The following FBH1 variants were observed in gnomAD, a reference collection of about 807,000 sequenced individuals.
The protein encoded by FBH1 is DNA 3'-5' helicase 1.
FBH1 carries 43 observed loss-of-function variants against 115.5 expected under a neutral mutation model. The observed-to-expected ratio is 0.37, with a 90% CI of 0.29 to 0.48. The LOEUF (loss-of-function observed/expected upper bound fraction) is 0.48, where lower values mean the gene tolerates loss of function less well. Ranked by LOEUF, FBH1 falls within the 20% of genes least tolerant of loss-of-function variation. FBH1 has a pLI of 0.99. For synonymous variants in FBH1, 524 were observed against 507.8 expected (o/e 1.03, Z -0.43); for missense variants, 1,001 against 1,337.3 (o/e 0.75, Z 3.92).
chr10:5,901,651 G>T (rs1162613114), intron 1 of FBH1, among the ~76,000 whole-genome samples: 1 of 146,460 alleles, frequency 6.8e-6, no homozygotes, highest in Admixed American at 7.1e-5. Context: ...TACAACCTCC[G>T]CCTCCCGGGT....
In FBH1 at chr10:5,917,365, G is replaced by T; in HGVS notation, c.1789-55G>T. On this transcript the variant is annotated intron_variant, in intron 10 of 20. Coordinates refer to ENST00000362091, the MANE Select transcript of FBH1 (RefSeq NM_178150.3). This position sits in a 1 kb window ranked among gnomAD's most constrained non-coding sequence, Gnocchi z 5.6. ...TGGGAGTTGACAGTGTGACCGCAGG[G>T]TGCTGCCTTTGCCAGGGTCTCAAAC... The T allele has an allele frequency of 6.8e-7, 1 of 1,469,042 alleles. No individual in the cohort carries two copies. Among genetic ancestry groups the T allele is most frequent in the Non-Finnish European group, 9.5e-7 (1 of 1,053,648 alleles). 91.0% of individuals were successfully genotyped at this position (1,469,042 alleles called of 1,614,324 possible).
At chr10:5,898,349 A>G (rs141965678) in intron 1 of FBH1, among the ~76,000 whole-genome samples, 28 of 152,150 alleles carry the variant, frequency 1.8e-4, no homozygotes, top group African/African-American at 6.5e-4. Context: ...CCTCTCTTAT[A>G]AGGGCACTAA....
In FBH1 at chr10:5,913,595, T is replaced by C. The variant is rs1264654894; in HGVS notation, c.1212-152T>C. 1.3e-5 allele frequency: 7 copies of C among 542,726 alleles called. 1 individual carries two copies. The highest frequency in any genetic ancestry group is 1.1e-4 in the East Asian group (3 of 28,168). The allele number at this position is 542,726 out of a possible 1,614,324, so 33.6% of individuals were successfully genotyped here. A position where few individuals can be genotyped will look rare whatever the true frequency, so the allele number is the denominator to read the frequency against. ...GAGAATGCTTTGCCAGCCATAGATA[T>C]ATTTAAATCCTTTTCTTTCTTTTTT... On this transcript the variant is annotated intron_variant, in intron 6 of 20. Transcript: ENST00000362091. This position sits in a 1 kb window ranked among gnomAD's most constrained non-coding sequence, Gnocchi z 4.4.
chr10:5,893,513 C>T (rs75009644), intron 1 of FBH1, among the ~76,000 whole-genome samples: 4,910 of 152,298 alleles, frequency 0.032, 116 homozygotes, highest in Non-Finnish European at 0.051. Context: ...GCCCAGCTTT[C>T]CTGCCACTCT....
rs1443840849 is a variant in FBH1, at chr10:5,924,851, C to A, written c.2596+343C>A. Reference sequence around the variant, plus strand: ...AAAGTGCTAGAATTACAGGCGTGAGCCACTGCGCCCAGCCTCTTCTGCTGT... The same window carrying A: ...AAAGTGCTAGAATTACAGGCGTGAGACACTGCGCCCAGCCTCTTCTGCTGT... On this transcript the variant is annotated intron_variant, in intron 17 of 20. Transcript: ENST00000362091. The surrounding 1 kb of genome is among the most constrained non-coding windows in gnomAD (Gnocchi z 6.2). 6 of 418,316 alleles carry A rather than the reference C, an allele frequency of 1.4e-5. No homozygotes were observed. The East Asian group carries it at 4.0e-4, about 28-fold the overall frequency. 25.9% of individuals were successfully genotyped at this position (418,316 alleles called of 1,614,324 possible).
chr10:5,904,452 C>T (rs1026893814), intron 2 of FBH1, among the ~76,000 whole-genome samples: 3 of 152,148 alleles, frequency 2.0e-5, no homozygotes, highest in African/African-American at 7.2e-5. Flanking sequence ...ATATAGAAGT[C>T]TGTTTCTTCT....
Position 5,917,768 on chromosome 10 carries a change from A to T in FBH1, c.1963+92A>T. On this transcript the variant is annotated intron_variant, in intron 12 of 20. Transcript: ENST00000362091. This position sits in a 1 kb window ranked among gnomAD's most constrained non-coding sequence, Gnocchi z 5.6. Reference sequence around the variant, plus strand: ...GACACCTGTGTGAACTAAGTTGATTATTATTATTTGTGATAAAGAAGAGGA... The same window carrying T: ...GACACCTGTGTGAACTAAGTTGATTTTTATTATTTGTGATAAAGAAGAGGA... 1 of 986,948 alleles carries T rather than the reference A, an allele frequency of 1.0e-6. No homozygotes were observed. The highest frequency in any genetic ancestry group is 1.5e-6 in the Non-Finnish European group (1 of 645,912). 61.1% of individuals were successfully genotyped at this position (986,948 alleles called of 1,614,324 possible).
chr10:5,906,395 G>C lies in FBH1; in HGVS notation c.516G>C (p.Arg172=). The C allele has an allele frequency of 6.2e-7, 1 of 1,614,118 alleles. No individual in the cohort carries two copies. Among genetic ancestry groups the C allele is most frequent in the South Asian group, 1.1e-5 (1 of 91,088 alleles). The part of the protein sequence containing the change: ...ARQEAEDSTS[R]LSAESGETDQ... ...AAGAAGCAGAGGACAGTACGTCTCGGCTCTCTGCGGAGTCTGGTGAAACCG... is the reference window on the plus strand; with the variant it reads ...AAGAAGCAGAGGACAGTACGTCTCGCCTCTCTGCGGAGTCTGGTGAAACCG... Residue 172 remains arginine, a synonymous_variant, in exon 3 of 21, where the codon CGG becomes CGC. Coordinates refer to ENST00000362091, the MANE Select transcript of FBH1 (RefSeq NM_178150.3). This position sits in a 1 kb window ranked among gnomAD's most constrained non-coding sequence, Gnocchi z 7.3.
intron 3 of FBH1, among the ~76,000 whole-genome samples, chr10:5,907,703 G>A (rs754947325): frequency 3.9e-5 from 6 of 152,018 alleles, no homozygotes; most frequent in Non-Finnish European, 5.9e-5. Flanking sequence ...CAAAGTCCTG[G>A]CCTTAAGTGA....
At chr10:5,907,602 T>G (rs1589068442) in intron 3 of FBH1, among the ~76,000 whole-genome samples, 1 of 151,276 alleles carries the variant, frequency 6.6e-6, no homozygotes, top group Non-Finnish European at 1.5e-5. Context: ...GCCTCCCAAG[T>G]AGCTGGGATT....
rs1010242223 is a variant in FBH1 at position 5,894,607 on chromosome 10, A to C, written c.1+4261A>C. On this transcript the variant is annotated intron_variant, in intron 1 of 20. Coordinates refer to ENST00000362091, the MANE Select transcript of FBH1 (RefSeq NM_178150.3). Reference sequence around the variant, plus strand: ...ATAGGAAAGAACTGCAAAAGCTGTAAAGCACTTAGGAGCTCTGGGAGAGTT... The same window carrying C: ...ATAGGAAAGAACTGCAAAAGCTGTACAGCACTTAGGAGCTCTGGGAGAGTT... 2.2e-5 allele frequency: 17 copies of C among 755,778 alleles called. No individual in the cohort carries two copies. In the African/African-American group the frequency reaches 2.9e-4, roughly 13 times the overall value. 46.8% of individuals were successfully genotyped at this position (755,778 alleles called of 1,614,324 possible). A position where few individuals can be genotyped will look rare whatever the true frequency, so the allele number is the denominator to read the frequency against.
chr10:5,906,068 C>A lies in FBH1; in HGVS notation c.189C>A (p.Phe63Leu). ...GAAGTCAAAGATGCATCCCTGAGTT[C>A]TTCCTAGCAGGCAAGCAGCCGTGCA... The part of the protein sequence containing the change: ...GQGSQRCIPE[F>L]FLAGKQPCTN... Residue 63 changes from phenylalanine to leucine, a missense_variant, in exon 3 of 21, where the codon TTC becomes TTA. Physicochemically the swap from Phe to Leu is conservative, Grantham distance 22. Coordinates refer to ENST00000362091, the MANE Select transcript of FBH1 (RefSeq NM_178150.3). The surrounding 1 kb of genome is among the most constrained non-coding windows in gnomAD (Gnocchi z 7.3). 1 of 1,611,154 alleles carries A rather than the reference C, an allele frequency of 6.2e-7. No homozygotes were observed. Among genetic ancestry groups the A allele is most frequent in the South Asian group, 1.1e-5 (1 of 91,050 alleles).
intron 1 of FBH1, chr10:5,894,365 T>G: frequency 6.4e-7 from 1 of 1,573,086 alleles, no homozygotes; most frequent in Non-Finnish European, 8.6e-7. Flanking sequence ...ATATGGAAAT[T>G]AAACTTGAGG....
Position 5,890,296 on chromosome 10 carries a change from C to G in FBH1, c.-50C>G, listed in dbSNP as rs552190463. On this transcript the variant is annotated 5_prime_UTR_variant, in exon 1 of 21. Transcript: ENST00000362091. The stretch of plus-strand genomic sequence containing the variant: ...GGGGGACGCTGGGCTGAGCGGCCGG[C>G]GGCGCGGGCCCGGCGGCGGCGGCAG... The G allele has an allele frequency of 5.4e-6, 2 of 373,128 alleles. No individual in the cohort carries two copies. Among genetic ancestry groups the G allele is most frequent in the African/African-American group, 4.3e-5 (2 of 46,756 alleles). The allele number at this position is 373,128 out of a possible 1,614,324, so 23.1% of individuals were successfully genotyped here. A position where few individuals can be genotyped will look rare whatever the true frequency, so the allele number is the denominator to read the frequency against.
At chr10:5,922,918 T>C (rs1352290113) in intron 15 of FBH1, among the ~76,000 whole-genome samples, 2 of 152,138 alleles carry the variant, frequency 1.3e-5, no homozygotes, top group Admixed American at 1.3e-4. Context: ...GAGTCTTGCT[T>C]TGTCACCCAG....
intron 18 of FBH1, among the ~76,000 whole-genome samples, chr10:5,927,104 G>A (rs186690176): frequency 1.1e-4 from 16 of 152,324 alleles, no homozygotes; most frequent in Middle Eastern, 3.4e-3. Context: ...CGGTTTCCCC[G>A]TCTGTCTCAC....
chr10:5,894,448 G>A (rs1280818943), intron 1 of FBH1: 4 of 1,555,078 alleles, frequency 2.6e-6, no homozygotes, highest in South Asian at 2.2e-5. Flanking sequence ...ACTGGACTAG[G>A]GGAGTCAGGA....
rs1215012423 is a variant in FBH1 at position 5,932,516 on chromosome 10, T to C, written c.2830-3940T>C. On this transcript the variant is annotated intron_variant, in intron 19 of 20. Transcript: ENST00000362091. This position sits in a 1 kb window ranked among gnomAD's most constrained non-coding sequence, Gnocchi z 5.9. ...TCTCGCCTCTTGGTCAGCTGCATAG[T>C]GTTCTGTGTTGACGCACTGTGATTT... 6.6e-6 allele frequency among the ~76,000 whole-genome samples: 1 copy of C among 152,210 alleles called. No individual in the cohort carries two copies. The highest frequency in any genetic ancestry group is 6.5e-5 in the Admixed American group (1 of 15,288).
rs368126984 is a variant in FBH1, at chr10:5,921,716, C to T, written c.2322+147C>T. ...TCCACCAGGCTGCACCATGAGTGGTCTCTATCCCAGGCCATTCTGATTATG... is the reference window on the plus strand; with the variant it reads ...TCCACCAGGCTGCACCATGAGTGGTTTCTATCCCAGGCCATTCTGATTATG... On this transcript the variant is annotated intron_variant, in intron 15 of 20. Coordinates refer to ENST00000362091, the MANE Select transcript of FBH1 (RefSeq NM_178150.3). This position sits in a 1 kb window ranked among gnomAD's most constrained non-coding sequence, Gnocchi z 6.4. 3.3e-5 allele frequency: 36 copies of T among 1,083,866 alleles called. 1 individual carries two copies. The highest frequency in any genetic ancestry group is 3.0e-4 in the South Asian group (17 of 57,304). 67.1% of individuals were successfully genotyped at this position (1,083,866 alleles called of 1,614,324 possible).
Sources: allele counts gnomAD v4.1 joint callset (sites outside exome capture counted in the v4.1 genomes callset), GRCh38; gene constraint gnomAD v4.1.1; non-coding constraint Gnocchi (gnomAD v3.1); transcripts MANE v1.5; gene names NCBI Gene and HGNC (gene_info 2026-07-23, HGNC 2026-07-21).